MELK: variants seen among roughly 807,000 people sequenced by gnomAD.
The protein encoded by MELK is maternal embryonic leucine zipper kinase.
In MELK, 81 loss-of-function variants were observed where a neutral mutation model predicts 85.0. The ratio of observed to expected loss-of-function variants is 0.95; its 90% CI spans 0.80 to 1.15. The LOEUF (loss-of-function observed/expected upper bound fraction) is 1.15, where lower values mean the gene tolerates loss of function less well. MELK is among the 50% of genes most tolerant of loss of function. The probability of loss-of-function intolerance (pLI) is 0.00; values close to 1 mark genes in which losing one functional copy is unlikely to be tolerated. For synonymous variants in MELK, 252 were observed against 265.0 expected, an observed-to-expected ratio of 0.95 and a Z score of 0.48; for missense variants, 754 against 777.5, an observed-to-expected ratio of 0.97 and a Z score of 0.36.
At chr9:36,619,923 A>G (rs1441973542) in intron 8 of MELK, among the ~76,000 whole-genome samples, 1 of 152,162 alleles carries the variant, frequency 6.6e-6, no homozygotes, top group East Asian at 1.9e-4. Context: ...AAAAAATAAA[A>G]TGTTTGCTGG....
At chr9:36,603,214 A>G (rs1391463151) in intron 7 of MELK, among the ~76,000 whole-genome samples, 1 of 152,124 alleles carries the variant, frequency 6.6e-6, no homozygotes, top group Non-Finnish European at 1.5e-5. Context: ...TACTTACTAA[A>G]TGATGCAGAG....
At chr9:36,647,494 CTT>C (rs112975528) in intron 11 of MELK, among the ~76,000 whole-genome samples, 7 of 143,614 alleles carry the variant, frequency 4.9e-5, no homozygotes, top group Non-Finnish European at 3.1e-5. Context: ...TTCTTTCTTT[CTT>C]TTTTTTTTTT....
intron 8 of MELK, among the ~76,000 whole-genome samples, chr9:36,616,785 A>C (rs1826865952): frequency 7.3e-6 from 1 of 137,306 alleles, no homozygotes; most frequent in South Asian, 2.3e-4. Flanking sequence ...AAGGAATTTT[A>C]TATTTATATA....
chr9:36,626,837 T>C (rs926897669), intron 8 of MELK, among the ~76,000 whole-genome samples: 2 of 151,426 alleles, frequency 1.3e-5, no homozygotes, highest in South Asian at 2.1e-4. Flanking sequence ...CAGGCACCCG[T>C]AATCCCAGCT....
chr9:36,614,201 T>G (rs1272178696), intron 8 of MELK, among the ~76,000 whole-genome samples: 1 of 151,850 alleles, frequency 6.6e-6, no homozygotes, highest in East Asian at 1.9e-4. Flanking sequence ...GTTCAAGTGA[T>G]TCTCCTGCCT....
chr9:36,645,177 G>C (rs1212676562), intron 11 of MELK, among the ~76,000 whole-genome samples: 1 of 148,534 alleles, frequency 6.7e-6, no homozygotes, highest in African/African-American at 2.5e-5. Context: ...AGAATGGCTT[G>C]AACCTGGGAG....
At chr9:36,627,053 A>AACACACACAC (rs10608377) in intron 8 of MELK, among the ~76,000 whole-genome samples, 8,949 of 140,860 alleles carry the variant, frequency 0.064, 296 homozygotes, top group African/African-American at 0.077. Flanking sequence ...CACAAGCGCA[A>AACACACACAC]ACACACACAC....
intron 8 of MELK, among the ~76,000 whole-genome samples, chr9:36,619,716 G>T (rs1347706526): frequency 1.3e-5 from 2 of 152,164 alleles, no homozygotes; most frequent in Non-Finnish European, 2.9e-5. Flanking sequence ...AGTGTCTGTA[G>T]GTGTCCAGAA....
intron 10 of MELK, among the ~76,000 whole-genome samples, chr9:36,634,661 C>T (rs965509523): frequency 8.0e-5 from 12 of 150,540 alleles, no homozygotes; most frequent in African/African-American, 2.5e-4. Context: ...GAGCTAAGAG[C>T]GCCACCGCAC....
At chr9:36,574,952 TG>T (rs1162179278) in intron 1 of MELK, among the ~76,000 whole-genome samples, 1 of 152,026 alleles carries the variant, frequency 6.6e-6, no homozygotes, top group Non-Finnish European at 1.5e-5. Context: ...CTGGCCAAGA[TG>T]GTGAAACCCC....
chr9:36,620,169 GA>G (rs1237487224), intron 8 of MELK, among the ~76,000 whole-genome samples: 2 of 152,190 alleles, frequency 1.3e-5, no homozygotes, highest in Admixed American at 1.3e-4. Context: ...TAACCACAAT[GA>G]AATATTGTTT....
At chr9:36,599,510 TTATA>T (rs1824685434) in intron 7 of MELK, 24 bp downstream of exon 7, 2 of 1,552,348 alleles carry the variant, frequency 1.3e-6, no homozygotes, top group Non-Finnish European at 1.8e-6. Flanking sequence ...GATTAATTCA[TTATA>T]TAATCAGCAG....
intron 12 of MELK, among the ~76,000 whole-genome samples, chr9:36,654,723 G>C (rs1175761516): frequency 6.6e-6 from 1 of 152,032 alleles, no homozygotes; most frequent in African/African-American, 2.4e-5. Flanking sequence ...AAGTGGAAAA[G>C]ACCTGGAAAT....
chr9:36,607,504 A>C, intron 7 of MELK, 71 bp from the exon 8 acceptor site: 1 of 1,111,066 alleles, frequency 9.0e-7, no homozygotes, highest in Non-Finnish European at 1.4e-6. Flanking sequence ...GATTGGATCA[A>C]GAGTCCTACC....
At chr9:36,650,234 C>T (rs1011513330) in intron 11 of MELK, among the ~76,000 whole-genome samples, 22 of 149,376 alleles carry the variant, frequency 1.5e-4, no homozygotes, top group African/African-American at 5.4e-4. Context: ...TGAGCCACCG[C>T]ACCCGGCCTC....
intron 11 of MELK, among the ~76,000 whole-genome samples, chr9:36,650,879 T>C (rs1830642676): frequency 1.3e-5 from 2 of 152,204 alleles, no homozygotes; most frequent in Admixed American, 1.3e-4. Context: ...AGTTAGCAGA[T>C]GTGTGTGAAC....
rs535428129 is a variant in MELK at position 36,579,286 on chromosome 9, C to G, written c.-38-2358C>G. Among the ~76,000 whole-genome samples, 3 of 152,336 alleles carry G rather than the reference C, an allele frequency of 2.0e-5. No homozygotes were observed. The South Asian group carries it at 6.2e-4, about 32-fold the overall frequency. On this transcript the variant is annotated intron_variant, in intron 1 of 17. Coordinates refer to ENST00000298048, the MANE Select transcript of MELK (RefSeq NM_014791.4). ...AGGTGATCTGCCCGTCTTGGCCTCC[C>G]AAAGTGCTGGGATTACAGGCATGAG...
At chr9:36,607,506 A>G in intron 7 of MELK, 69 bp from the exon 8 acceptor site, 1 of 1,118,916 alleles carries the variant, frequency 8.9e-7, no homozygotes, top group South Asian at 1.3e-5. Context: ...TTGGATCAAG[A>G]GTCCTACCAT....
rs201734713 is a variant in MELK at position 36,607,259 on chromosome 9, ATCT to A, written c.568-311_568-309del. ...TTCAGTAGCACTGTAGAATTGTCTC[ATCT>A]TCTTATCATGTCCAATCCAGCCCAG... On this transcript the variant is annotated intron_variant, in intron 7 of 17. Coordinates refer to ENST00000298048, the MANE Select transcript of MELK (RefSeq NM_014791.4). Among the ~76,000 whole-genome samples the A allele has an allele frequency of 8.3e-3, 1,271 of 152,282 alleles. 21 individuals carry two copies. The highest frequency in any genetic ancestry group is 0.029 in the African/African-American group (1,207 of 41,548).
Sources: gnomAD v4.1 joint callset for allele counts (sites outside exome capture counted in the v4.1 genomes callset) on GRCh38, gnomAD v4.1.1 for gene constraint, MANE v1.5 for transcripts, NCBI Gene and HGNC (gene_info 2026-07-23, HGNC 2026-07-21) for gene names.